TMCO5A: variants seen among roughly 807,000 people sequenced by gnomAD.
The protein encoded by TMCO5A is transmembrane and coiled-coil domain-containing protein 5A.
TMCO5A carries 34 observed loss-of-function variants against 42.3 expected under a neutral mutation model. The observed-to-expected ratio is 0.80, with a 90% confidence interval of 0.61 to 1.07. The LOEUF (loss-of-function observed/expected upper bound fraction) is 1.07, where lower values mean the gene tolerates loss of function less well. TMCO5A is among the 50% of genes least tolerant of loss of function. The probability of loss-of-function intolerance (pLI) is 0.00; values close to 1 mark genes in which losing one functional copy is unlikely to be tolerated. For synonymous variants in TMCO5A, 131 were observed against 115.6 expected (o/e 1.13, Z -0.86); for missense variants, 357 against 327.9 (o/e 1.09, Z -0.69).
the TMCO5A span, among the ~76,000 whole-genome samples, chr15:37,995,244 T>A: frequency 1.3e-5 from 2 of 152,088 alleles, no homozygotes; most frequent in African/African-American, 4.8e-5. Context: ...AAAAAAAATC[T>A]TTCTCCTGTC....
At chr15:38,008,280 C>T in the TMCO5A span, among the ~76,000 whole-genome samples, 1 of 151,936 alleles carries the variant, frequency 6.6e-6, no homozygotes, top group Non-Finnish European at 1.5e-5. Flanking sequence ...AAGAAAAGAA[C>T]CTGGATGAAA....
the TMCO5A span, among the ~76,000 whole-genome samples, chr15:38,038,164 C>T: frequency 1.3e-5 from 2 of 152,052 alleles, no homozygotes; most frequent in Non-Finnish European, 2.9e-5. Context: ...AGTGATGAGA[C>T]CCTGTTCATA....
At chr15:37,975,385 T>TAATCCCAGCTACTCGGGAGG in the TMCO5A span, among the ~76,000 whole-genome samples, 1 of 144,962 alleles carries the variant, frequency 6.9e-6, no homozygotes. Context: ...TCTTTGTAGG[T>TAATCCCAGCTACTCGGGAGG]CTTTAAGAAA....
intron 11 of TMCO5A, among the ~76,000 whole-genome samples, chr15:37,964,337 T>G (rs890034541): frequency 6.6e-6 from 1 of 152,110 alleles, no homozygotes; most frequent in Non-Finnish European, 1.5e-5. Context: ...CTGCACAGAG[T>G]CCTGTCATAT....
At chr15:37,942,733 G>A (rs185674151) in intron 9 of TMCO5A, 12 of 156,042 alleles carry the variant, frequency 7.7e-5, no homozygotes, top group African/African-American at 2.9e-4. Flanking sequence ...ACTGTACACT[G>A]TATTGAACTA....
At chr15:37,982,440 A>G in the TMCO5A span, among the ~76,000 whole-genome samples, 1 of 81,204 alleles carries the variant, frequency 1.2e-5, no homozygotes, top group South Asian at 2.8e-4. Flanking sequence ...ACAATTATAT[A>G]CAAATATATA....
intron 6 of TMCO5A, among the ~76,000 whole-genome samples, chr15:37,939,653 T>C (rs994339345): frequency 4.6e-5 from 7 of 152,090 alleles, no homozygotes; most frequent in African/African-American, 1.7e-4. Context: ...TATTGTTTAA[T>C]CCTTTGAACC....
chr15:37,941,197 C>A lies in TMCO5A; in HGVS notation c.436C>A (p.Leu146Met). Residue 146 changes from leucine (L) to methionine (M), a missense_variant, in exon 7 of 12, where the codon CTG becomes ATG. By Grantham distance (15) the Leu-to-Met change is conservative. Coordinates refer to ENST00000319669, the MANE Select transcript of TMCO5A (RefSeq NM_152453.4). ...TTCCTATGCATGCCAAGAGAAGGAG[C>A]TGCTCAAGGTAACAGCAGGAACTTC... Reference protein sequence around the residue: ...EASYACQEKELLKVMKEYAFV... With the variant: ...EASYACQEKEMLKVMKEYAFV... 6.2e-7 allele frequency: 1 copy of A among 1,613,100 alleles called. No homozygotes were observed. Among genetic ancestry groups the A allele is most frequent in the Admixed American group, 1.7e-5 (1 of 59,854 alleles).
intron 5 of TMCO5A, 135 bp downstream of exon 5, chr15:37,937,531 A>G (rs1288893297): frequency 1.2e-6 from 1 of 862,678 alleles, no homozygotes; most frequent in African/African-American, 1.7e-5. Context: ...ATTACTCTCT[A>G]ATCCACTCTC....
At chr15:38,029,151 G>T in the TMCO5A span, among the ~76,000 whole-genome samples, 4 of 152,060 alleles carry the variant, frequency 2.6e-5, no homozygotes, top group Non-Finnish European at 5.9e-5. Context: ...TGATGATCTG[G>T]GAGAAAGTGC....
the TMCO5A span, among the ~76,000 whole-genome samples, chr15:38,005,127 A>G: frequency 6.6e-6 from 1 of 152,122 alleles, no homozygotes; most frequent in African/African-American, 2.4e-5. Context: ...TTGTGCCACC[A>G]GTATGCCCTT....
chr15:37,950,892 G>T, intron 11 of TMCO5A, 144 bp from the exon 12 acceptor site: 1 of 663,450 alleles, frequency 1.5e-6, no homozygotes, highest in Non-Finnish European at 2.6e-6. Context: ...AGGGGGAGCT[G>T]CCATTATAAA....
At chr15:38,015,519 TAATCATAAAATCTATA>T in the TMCO5A span, among the ~76,000 whole-genome samples, 431 of 152,276 alleles carry the variant, frequency 2.8e-3, no homozygotes, top group Non-Finnish European at 4.5e-3. Flanking sequence ...AAACATACCC[TAATCATAAAATCTATA>T]AATCATATTC....
chr15:38,028,118 G>A, the TMCO5A span, among the ~76,000 whole-genome samples: 8 of 150,742 alleles, frequency 5.3e-5, no homozygotes, highest in Non-Finnish European at 1.5e-5. Context: ...ATATGAAACC[G>A]CAAATTAAGA....
exon 12 of TMCO5A, chr15:37,967,683 AG>A (rs1341653777): frequency 2.6e-5 from 4 of 152,236 alleles, no homozygotes; most frequent in African/African-American, 9.6e-5. Context: ...ATATCTTTTC[AG>A]AAAGTTGCAT....
chr15:37,951,314 A>G lies in TMCO5A; in HGVS notation c.*80A>G. The G allele has an allele frequency of 7.1e-7, 1 of 1,415,826 alleles. No individual in the cohort carries two copies. Among genetic ancestry groups the G allele is most frequent in the Non-Finnish European group, 9.8e-7 (1 of 1,021,436 alleles). The allele number at this position is 1,415,826 out of a possible 1,614,324, so 87.7% of individuals were successfully genotyped here. On this transcript the variant is annotated 3_prime_UTR_variant, in exon 12 of 12. Coordinates refer to ENST00000319669, the MANE Select transcript of TMCO5A (RefSeq NM_152453.4). The stretch of plus-strand genomic sequence containing the variant: ...AAGGGAGGCATGAAACTTGTGGAGG[A>G]AAGAGATTTGCTTCAGTTTTTTCCT...
chr15:37,960,914 T>C (rs371909503), intron 11 of TMCO5A, among the ~76,000 whole-genome samples: 1 of 152,236 alleles, frequency 6.6e-6, no homozygotes. Context: ...GAGTTTGTTC[T>C]AGATTCTGAA....
At chr15:37,988,224 T>C in the TMCO5A span, among the ~76,000 whole-genome samples, 1,059 of 152,136 alleles carry the variant, frequency 7.0e-3, 10 homozygotes, top group African/African-American at 0.024. Context: ...AATTCATTTA[T>C]TATTTTAACA....
rs778817829 is a variant in TMCO5A, at chr15:37,938,158, C to A, written c.316C>A (p.Leu106Ile). ...GTATATTTTTTATTTGAAACTATAGCTTACAAGGAAATCACAAAAGATAAC... is the reference window on the plus strand; with the variant it reads ...GTATATTTTTTATTTGAAACTATAGATTACAAGGAAATCACAAAAGATAAC... Reference protein sequence around the residue: ...VHSITELQQKLTRKSQKITNC... With the variant: ...VHSITELQQKITRKSQKITNC... The change falls in exon 6 of 12, where the codon CTT (leucine) becomes ATT (isoleucine). Residue 106 changes from leucine (L) to isoleucine (I), a missense_variant and splice_region_variant. Leu to Ile is a conservative substitution (Grantham distance 5). Transcript: ENST00000319669. 4.8e-5 allele frequency: 76 copies of A among 1,572,048 alleles called. No homozygotes were observed. The Middle Eastern group carries it at 6.7e-4, about 14-fold the overall frequency.
Sources: allele counts gnomAD v4.1 joint callset (sites outside exome capture counted in the v4.1 genomes callset), GRCh38; gene constraint gnomAD v4.1.1; transcripts MANE v1.5; gene names NCBI Gene and HGNC (gene_info 2026-07-23, HGNC 2026-07-21).